The following NSD3 variants were observed in gnomAD, a reference collection of about 807,000 sequenced individuals.
NSD3 encodes histone-lysine N-methyltransferase NSD3.
NSD3 carries 24 observed loss-of-function variants against 160.8 expected under a neutral mutation model. That is an observed-to-expected ratio of 0.15 (90% CI 0.11 to 0.21). The LOEUF (loss-of-function observed/expected upper bound fraction) is 0.21. Ranked by LOEUF, NSD3 falls within the 10% of genes least tolerant of loss-of-function variation. The pLI, the probability that NSD3 is intolerant of heterozygous loss-of-function variation, is 1.00. For missense variants in NSD3, 1,157 were observed against 1,735.9 expected (o/e 0.67, Z 5.93); for synonymous variants, 520 against 600.0 (o/e 0.87, Z 1.95).
chr8:38,288,564 T>C lies in NSD3; in HGVS notation c.3424A>G (p.Arg1142Gly), dbSNP rs1176542003. 6.2e-7 allele frequency: 1 copy of C among 1,614,206 alleles called. No homozygotes were observed. Among genetic ancestry groups the C allele is most frequent in the Non-Finnish European group, 8.5e-7 (1 of 1,180,048 alleles). The change falls in exon 19 of 24, where the codon AGA (arginine) becomes GGA (glycine). Residue 1142 changes from arginine to glycine, a missense_variant. Arg to Gly is a moderately radical substitution (Grantham distance 125). Transcript: ENST00000317025. The surrounding 1 kb of genome is among the most constrained non-coding windows in gnomAD (Gnocchi z 4.5). Reference protein sequence around the residue: ...DRCQNQCFTKRLYPDAEIIKT... With the variant: ...DRCQNQCFTKGLYPDAEIIKT... The stretch of plus-strand genomic sequence containing the variant: ...ATGATCTCTGCATCAGGGTATAGTC[T>C]CTTTGTAAAGCACTGGTTCTGACAA...
At chr8:38,344,883 C>T (rs1030034246) in intron 2 of NSD3, among the ~76,000 whole-genome samples, 1 of 152,134 alleles carries the variant, frequency 6.6e-6, no homozygotes, top group African/African-American at 2.4e-5. Flanking sequence ...TATGGACAAC[C>T]AGTAGGCATA....
intron 19 of NSD3, among the ~76,000 whole-genome samples, chr8:38,284,362 T>C (rs767718659): frequency 6.6e-6 from 1 of 152,210 alleles, no homozygotes; most frequent in Non-Finnish European, 1.5e-5. Context: ...CATTGCCACA[T>C]ACTGTTACTA....
rs1343535810 is a variant in NSD3 at position 38,336,662 on chromosome 8, C to T, written c.910+643G>A. On this transcript the variant is annotated intron_variant, in intron 4 of 23. Coordinates refer to ENST00000317025, the MANE Select transcript of NSD3 (RefSeq NM_023034.2). ...ATTAAGTTCATATAAAACATCTGAT[C>T]GCTTGTCCATATGCTTTCTTTAGGA... is the stretch of plus-strand genomic sequence containing the variant. Among the ~76,000 whole-genome samples, 4 of 152,242 alleles carry T rather than the reference C, an allele frequency of 2.6e-5. No individual in the cohort carries two copies. The East Asian group carries it at 5.8e-4, about 22-fold the overall frequency.
chr8:38,274,963 A>G lies in NSD3; in HGVS notation c.*678T>C, dbSNP rs1319374291. ...ACACACCATATACCCTTCTAGGTAA[A>G]GTTACCATAGTACAAAGCCCACCTT... On this transcript the variant is annotated 3_prime_UTR_variant, in exon 24 of 24. Coordinates refer to ENST00000317025, the MANE Select transcript of NSD3 (RefSeq NM_023034.2). The G allele has an allele frequency of 4.8e-6, 1 of 206,272 alleles. No homozygotes were observed. Among genetic ancestry groups the G allele is most frequent in the Non-Finnish European group, 9.9e-6 (1 of 101,028 alleles). 12.8% of individuals were successfully genotyped at this position (206,272 alleles called of 1,614,324 possible). A position where few individuals can be genotyped will look rare whatever the true frequency, so the allele number is the denominator to read the frequency against.
At chr8:38,332,832 C>A (rs1381855079) in intron 4 of NSD3, among the ~76,000 whole-genome samples, 1 of 151,096 alleles carries the variant, frequency 6.6e-6, no homozygotes, top group East Asian at 1.9e-4. Context: ...TGATCTTTTG[C>A]GAAAAATAGT....
Position 38,318,087 on chromosome 8 carries a change from C to A in NSD3, c.1855+808G>T. 6.2e-7 allele frequency: 1 copy of A among 1,607,270 alleles called. No individual in the cohort carries two copies. The highest frequency in any genetic ancestry group is 2.2e-5 in the East Asian group (1 of 44,774). Reference sequence around the variant, plus strand: ...GCAATCAGGCCTCCTAATCTCGCAGCGATCGCGATGTCTTTTCTTGGAGCT... The same window carrying A: ...GCAATCAGGCCTCCTAATCTCGCAGAGATCGCGATGTCTTTTCTTGGAGCT... On this transcript the variant is annotated intron_variant, in intron 9 of 23. Transcript: ENST00000317025. This position sits in a 1 kb window ranked among gnomAD's most constrained non-coding sequence, Gnocchi z 5.3.
intron 4 of NSD3, among the ~76,000 whole-genome samples, chr8:38,334,206 G>A (rs918662417): frequency 1.3e-5 from 2 of 152,136 alleles, no homozygotes; most frequent in Non-Finnish European, 2.9e-5. Flanking sequence ...CAATAAAAAG[G>A]AATAAAGCAC....
rs148026934 is a variant in NSD3, at chr8:38,322,784, C to T, written c.1709-1612G>A. Among the ~76,000 whole-genome samples the T allele has an allele frequency of 5.2e-3, 797 of 152,238 alleles. 3 individuals are homozygous for T. Among genetic ancestry groups the T allele is most frequent in the African/African-American group, 0.018 (761 of 41,552 alleles). On this transcript the variant is annotated intron_variant, in intron 7 of 23. Transcript: ENST00000317025. ...AGTTCTTCAAACGACAAAAATGTGA[C>T]AGTGCCAAACATTTTATATATCCCT...
chr8:38,296,985 T>C (rs1008706940), intron 15 of NSD3, among the ~76,000 whole-genome samples: 12 of 152,176 alleles, frequency 7.9e-5, no homozygotes, highest in African/African-American at 2.9e-4. Flanking sequence ...TATTATCCCA[T>C]TAAATTGTTA....
chr8:38,270,003 C>CACT lies in NSD3; in HGVS notation c.*5635_*5637dup, dbSNP rs1808386075. The CACT allele has an allele frequency of 6.6e-6, 1 of 152,220 alleles. No individual in the cohort carries two copies. The highest frequency in any genetic ancestry group is 1.5e-5 in the Non-Finnish European group (1 of 68,052). The allele number at this position is 152,220 out of a possible 1,614,324, so 9.4% of individuals were successfully genotyped here. A position where few individuals can be genotyped will look rare whatever the true frequency, so the allele number is the denominator to read the frequency against. ...GGTTAACCAAGCTTTACACGTTTCA[C>CACT]ACTATGCAATAAAACATAGGCCAAT... On this transcript the variant is annotated 3_prime_UTR_variant, in exon 24 of 24. Coordinates refer to ENST00000317025, the MANE Select transcript of NSD3 (RefSeq NM_023034.2).
In NSD3 at chr8:38,353,716, T is replaced by C. The variant is rs866067829; in HGVS notation, c.-44-5501A>G. On this transcript the variant is annotated intron_variant, in intron 1 of 23. Coordinates refer to ENST00000317025, the MANE Select transcript of NSD3 (RefSeq NM_023034.2). ...CATGGAGTGAACACATATACATTTGTATCACAGAGTGTTTTCATATACATT... is the reference window on the plus strand; with the variant it reads ...CATGGAGTGAACACATATACATTTGCATCACAGAGTGTTTTCATATACATT... Among the ~76,000 whole-genome samples, 3 of 152,324 alleles carry C rather than the reference T, an allele frequency of 2.0e-5. No individual in the cohort carries two copies. In the South Asian group the frequency reaches 6.2e-4, roughly 32 times the overall value.
At chr8:38,372,838 C>T (rs573230408) in intron 1 of NSD3, among the ~76,000 whole-genome samples, 19 of 149,964 alleles carry the variant, frequency 1.3e-4, no homozygotes, top group South Asian at 8.4e-4. Flanking sequence ...AAACCACCAG[C>T]CGGGCGCGGC....
At chr8:38,293,469 G>C (rs1414760826) in intron 16 of NSD3, among the ~76,000 whole-genome samples, 1 of 151,534 alleles carries the variant, frequency 6.6e-6, no homozygotes, top group Admixed American at 6.6e-5. Context: ...ACAATTGCTT[G>C]AATCCAGCAG....
chr8:38,343,965 G>A (rs534994620), intron 2 of NSD3, among the ~76,000 whole-genome samples: 60 of 152,252 alleles, frequency 3.9e-4, no homozygotes, highest in Non-Finnish European at 7.4e-4. Context: ...TAGGGCCTAC[G>A]CTCACATGCC....
intron 7 of NSD3, among the ~76,000 whole-genome samples, chr8:38,323,046 T>TTTTC (rs1563354486): frequency 3.9e-5 from 6 of 152,206 alleles, no homozygotes; most frequent in East Asian, 1.9e-4. Context: ...AATTAAGTTT[T>TTTTC]TTTTCTTTTC....
In NSD3 at chr8:38,271,682, G is replaced by C. The variant is rs551902604; in HGVS notation, c.*3959C>G. On this transcript the variant is annotated 3_prime_UTR_variant, in exon 24 of 24. Coordinates refer to ENST00000317025, the MANE Select transcript of NSD3 (RefSeq NM_023034.2). The stretch of plus-strand genomic sequence containing the variant: ...ATGTCTGCACCAACTTGGACAACTG[G>C]GGGAGGCTGGATGCATCAGCCTTGT... 6.6e-6 allele frequency: 1 copy of C among 152,182 alleles called. No homozygotes were observed. Among genetic ancestry groups the C allele is most frequent in the Non-Finnish European group, 1.5e-5 (1 of 68,032 alleles). 9.4% of individuals were successfully genotyped at this position (152,182 alleles called of 1,614,324 possible). A position where few individuals can be genotyped will look rare whatever the true frequency, so the allele number is the denominator to read the frequency against.
intron 16 of NSD3, among the ~76,000 whole-genome samples, chr8:38,293,046 C>G (rs1298783264): frequency 3.2e-5 from 4 of 125,968 alleles, no homozygotes; most frequent in Non-Finnish European, 3.3e-5. Context: ...GCTGAGGCAA[C>G]AGAATCGCTT....
At position 38,348,155 on chromosome 8, in the gene NSD3, G is replaced by A; in HGVS notation, c.17C>T (p.Ser6Phe). 6.3e-7 allele frequency: 1 copy of A among 1,590,654 alleles called. No homozygotes were observed. The highest frequency in any genetic ancestry group is 8.6e-7 in the Non-Finnish European group (1 of 1,168,102). ...GTTTCCCATGATCCCTTGCATGAAA[G>A]AGAAAGAGAAATCCATTGTTCTGCT... The part of the protein sequence containing the change: MDFSF[S>F]FMQGIMGNTI... The change falls in exon 2 of 24, where the codon TCT (serine) becomes TTT (phenylalanine). Residue 6 changes from serine (S) to phenylalanine (F), a missense_variant. Transcript: ENST00000317025.
chr8:38,305,530 C>A (rs1198838210), intron 12 of NSD3, 85 bp from the exon 13 acceptor site: 2 of 1,308,822 alleles, frequency 1.5e-6, no homozygotes, highest in East Asian at 2.4e-5. Context: ...CAAACAGCTA[C>A]TCCTAAAACA....
Sources: gnomAD v4.1 joint callset for allele counts (sites outside exome capture counted in the v4.1 genomes callset) on GRCh38, gnomAD v4.1.1 for gene constraint, Gnocchi (gnomAD v3.1) non-coding constraint, MANE v1.5 for transcripts, NCBI Gene and HGNC (gene_info 2026-07-23, HGNC 2026-07-21) for gene names.